Variants in KALRN observed in about 807,000 individuals in gnomAD.
KALRN encodes kalirin.
KALRN carries 70 observed loss-of-function variants against 353.7 expected under a neutral mutation model. The ratio of observed to expected loss-of-function variants is 0.20; its 90% CI spans 0.16 to 0.24. The LOEUF is 0.24. KALRN is among the 10% of genes least tolerant of loss of function. KALRN has a pLI of 1.00. For missense variants in KALRN, 2,791 were observed against 3,756.7 expected (o/e 0.74, Z 6.72); for synonymous variants, 1,391 against 1,434.8 (o/e 0.97, Z 0.69).
Position 124,450,842 on chromosome 3 carries a change from C to T in KALRN, c.3552+3957C>T, listed in dbSNP as rs142411568. 2.9e-3 allele frequency among the ~76,000 whole-genome samples: 449 copies of T among 152,268 alleles called. 3 individuals carry two copies. The highest frequency in any genetic ancestry group is 0.01 in the African/African-American group (425 of 41,550). The stretch of plus-strand genomic sequence containing the variant: ...CCTCCCAAAGTGCTGGGATTACAGA[C>T]ATGAGCCACCGCGCCTGGTCTTTCT... On this transcript the variant is annotated intron_variant, in intron 21 of 59. Coordinates refer to ENST00000682506, the MANE Select transcript of KALRN (RefSeq NM_001388419.1).
chr3:124,563,509 A>G (rs2072330005), intron 34 of KALRN, among the ~76,000 whole-genome samples: 1 of 152,194 alleles, frequency 6.6e-6, no homozygotes, highest in African/African-American at 2.4e-5. Context: ...AAGTACTCAC[A>G]TGCTGACCTG....
intron 10 of KALRN, among the ~76,000 whole-genome samples, chr3:124,348,188 T>C (rs920345042): frequency 8.4e-6 from 1 of 119,346 alleles, no homozygotes; most frequent in Admixed American, 8.7e-5. Flanking sequence ...GACAGAGAGG[T>C]GGGTGCTGCT....
chr3:124,373,495 G>A (rs989587367), intron 10 of KALRN, among the ~76,000 whole-genome samples: 2 of 152,164 alleles, frequency 1.3e-5, no homozygotes, highest in Admixed American at 6.5e-5. Context: ...GAAATTTATC[G>A]TCTCACAGTT....
chr3:124,335,419 A>G (rs2081040162), intron 9 of KALRN, among the ~76,000 whole-genome samples: 2 of 152,222 alleles, frequency 1.3e-5, no homozygotes, highest in African/African-American at 4.8e-5. Context: ...CTAATAATAA[A>G]GAAATGGTTA....
chr3:124,427,682 A>C (rs1304476468), intron 15 of KALRN, among the ~76,000 whole-genome samples: 2 of 152,222 alleles, frequency 1.3e-5, no homozygotes, highest in African/African-American at 2.4e-5. Context: ...GACTGAGCTG[A>C]ACTTTTGGCC....
At chr3:124,164,807 A>G (rs1032619425) in intron 1 of KALRN, 1 of 152,224 alleles carries the variant, frequency 6.6e-6, no homozygotes, top group Non-Finnish European at 1.5e-5. Flanking sequence ...GTCCAAGTCT[A>G]GACATTAGGA....
At chr3:124,202,290 A>G (rs1358875048) in intron 1 of KALRN, among the ~76,000 whole-genome samples, 1 of 152,120 alleles carries the variant, frequency 6.6e-6, no homozygotes, top group Non-Finnish European at 1.5e-5. Flanking sequence ...TCACTGTGTC[A>G]CCAAGGCTGG....
intron 1 of KALRN, among the ~76,000 whole-genome samples, chr3:124,141,074 C>T (rs376847540): frequency 9.5e-4 from 145 of 152,280 alleles, no homozygotes; most frequent in African/African-American, 3.3e-3. Context: ...CCTTCTTCAG[C>T]CCCCCAGTCA....
chr3:124,379,344 T>G (rs1032361019), intron 10 of KALRN, among the ~76,000 whole-genome samples: 5 of 152,212 alleles, frequency 3.3e-5, no homozygotes, highest in South Asian at 4.1e-4. Context: ...GGGTCAGTTT[T>G]CATTGATTGA....
chr3:124,594,948 T>C (rs1203710838), intron 34 of KALRN, among the ~76,000 whole-genome samples: 1 of 151,996 alleles, frequency 6.6e-6, no homozygotes, highest in African/African-American at 2.4e-5. Flanking sequence ...TTTCTTTTTC[T>C]TTCCTTTTTT....
chr3:124,141,997 A>G (rs776429345), intron 1 of KALRN, among the ~76,000 whole-genome samples: 1 of 152,178 alleles, frequency 6.6e-6, no homozygotes, highest in South Asian at 2.1e-4. Context: ...AACTCTGAAA[A>G]TGGGGAAACT....
intron 1 of KALRN, among the ~76,000 whole-genome samples, chr3:124,146,719 AAT>A (rs2149839918): frequency 6.6e-6 from 1 of 152,060 alleles, no homozygotes; most frequent in African/African-American, 2.4e-5. Flanking sequence ...CTCTACTAAA[AAT>A]ACAAAAATTA....
At chr3:124,205,957 G>A (rs2076375558) in intron 1 of KALRN, among the ~76,000 whole-genome samples, 1 of 152,036 alleles carries the variant, frequency 6.6e-6, no homozygotes, top group South Asian at 2.1e-4. Context: ...ACATATTCTT[G>A]TTGCTTTTAA....
At chr3:124,244,842 T>C (rs2080926070) in intron 3 of KALRN, among the ~76,000 whole-genome samples, 1 of 152,096 alleles carries the variant, frequency 6.6e-6, no homozygotes, top group Admixed American at 6.5e-5. Flanking sequence ...TTGTTACATA[T>C]ATAATTTTTT....
intron 1 of KALRN, among the ~76,000 whole-genome samples, chr3:124,050,323 A>T (rs531581219): frequency 2.6e-5 from 4 of 152,338 alleles, no homozygotes; most frequent in East Asian, 1.9e-4. Context: ...TCAGCAGGGA[A>T]CAAAGAAGCA....
rs1241898725 is a variant in KALRN at position 124,696,244 on chromosome 3, T to A, written c.7688T>A (p.Val2563Asp). The change falls in exon 54 of 60, where the codon GTC becomes GAC. Residue 2563 changes from valine to aspartate, a missense_variant. By Grantham distance (152) the Val-to-Asp change is radical. Coordinates refer to ENST00000682506, the MANE Select transcript of KALRN (RefSeq NM_001388419.1). ...DHGTTSTSAT[V>D]KVQGVPAAPN... ...GGGACCACATCAACGTCTGCAACAGTCAAAGTGCAAGGTACAGCCTCTTTG... is the reference window on the plus strand; with the variant it reads ...GGGACCACATCAACGTCTGCAACAGACAAAGTGCAAGGTACAGCCTCTTTG... The A allele has an allele frequency of 3.1e-6, 5 of 1,613,942 alleles. No individual in the cohort carries two copies. The highest frequency in any genetic ancestry group is 4.2e-6 in the Non-Finnish European group (5 of 1,179,846).
chr3:124,484,464 C>T (rs78643676), intron 28 of KALRN, among the ~76,000 whole-genome samples: 6 of 152,328 alleles, frequency 3.9e-5, no homozygotes, highest in Admixed American at 1.3e-4. Context: ...TACAACTGGA[C>T]ATCACACCCT....
chr3:124,037,398 G>A (rs1218571756), intron 1 of KALRN, among the ~76,000 whole-genome samples: 4 of 152,186 alleles, frequency 2.6e-5, no homozygotes, highest in Non-Finnish European at 5.9e-5. Context: ...CTGACATAGA[G>A]GAAGATGTAG....
intron 8 of KALRN, among the ~76,000 whole-genome samples, chr3:124,333,173 C>T (rs147451534): frequency 7.7e-4 from 118 of 152,270 alleles, no homozygotes; most frequent in African/African-American, 2.6e-3. Flanking sequence ...AAAACCCACC[C>T]GCATGATTCA....
Sources: gnomAD v4.1 joint callset for allele counts (sites outside exome capture counted in the v4.1 genomes callset) on GRCh38, gnomAD v4.1.1 for gene constraint, MANE v1.5 for transcripts, NCBI Gene and HGNC (gene_info 2026-07-23, HGNC 2026-07-21) for gene names.